The following NFAT5 variants were observed in gnomAD, a reference collection of about 807,000 sequenced individuals.
NFAT5 encodes nuclear factor of activated T-cells 5.
A neutral mutation model predicts 166.5 loss-of-function variants in NFAT5; 31 were observed. That is an observed-to-expected ratio of 0.19 (90% CI 0.14 to 0.25). The LOEUF (loss-of-function observed/expected upper bound fraction) is 0.25, where lower values mean the gene tolerates loss of function less well. NFAT5 is among the 10% of genes least tolerant of loss of function. The pLI is 1.00. For synonymous variants in NFAT5, 612 were observed against 639.7 expected (o/e 0.96, Z 0.65); for missense variants, 1,449 against 1,821.8 (o/e 0.80, Z 3.72).
Position 69,697,809 on chromosome 16 carries a change from A to G in NFAT5, c.*1458A>G, listed in dbSNP as rs529846785. 1 of 152,758 alleles carries G rather than the reference A, an allele frequency of 6.5e-6. No individual in the cohort carries two copies. The highest frequency in any genetic ancestry group is 1.5e-5 in the Non-Finnish European group (1 of 68,028). 9.5% of individuals were successfully genotyped at this position (152,758 alleles called of 1,614,324 possible). On this transcript the variant is annotated 3_prime_UTR_variant, in exon 15 of 15. Transcript: ENST00000349945. The stretch of plus-strand genomic sequence containing the variant: ...CCTTTTGGCATGTGGAAAGCTGTCA[A>G]TGCAGTGTAAGGCCAACGTGTGTGT...
intron 2 of NFAT5, among the ~76,000 whole-genome samples, chr16:69,589,736 T>C (rs1423818436): frequency 6.9e-6 from 1 of 145,696 alleles, no homozygotes; most frequent in Non-Finnish European, 1.5e-5. Context: ...AAATCCTCAT[T>C]TTTTTGCTAA....
chr16:69,673,875 A>G (rs1350758253), intron 9 of NFAT5, among the ~76,000 whole-genome samples: 1 of 152,234 alleles, frequency 6.6e-6, no homozygotes, highest in Non-Finnish European at 1.5e-5. Context: ...CACAAATTGC[A>G]GTTGTGAAAG....
intron 3 of NFAT5, among the ~76,000 whole-genome samples, chr16:69,641,909 G>A (rs193160955): frequency 1.7e-4 from 26 of 152,030 alleles, no homozygotes; most frequent in Admixed American, 1.2e-3. Context: ...ACCAGCCTGG[G>A]CAACATGGTG....
chr16:69,677,519 A>G (rs777154325), intron 10 of NFAT5, among the ~76,000 whole-genome samples, 184 bp downstream of exon 10: 2 of 152,208 alleles, frequency 1.3e-5, no homozygotes, highest in Admixed American at 6.5e-5. Context: ...TTACTCTTAT[A>G]TTAAGGAATC....
At chr16:69,591,943 A>T (rs1358200436) in intron 2 of NFAT5, among the ~76,000 whole-genome samples, 2 of 152,108 alleles carry the variant, frequency 1.3e-5, no homozygotes, top group East Asian at 3.9e-4. Context: ...TTAAAAAAAA[A>T]TTACAAAAAG....
At chr16:69,608,440 A>G (rs1277055528) in intron 2 of NFAT5, among the ~76,000 whole-genome samples, 1 of 151,552 alleles carries the variant, frequency 6.6e-6, no homozygotes, top group Non-Finnish European at 1.5e-5. Context: ...TAGCTCTACC[A>G]CTTCAACTTA....
At chr16:69,585,517 T>C (rs182623532) in intron 2 of NFAT5, among the ~76,000 whole-genome samples, 1 of 152,236 alleles carries the variant, frequency 6.6e-6, no homozygotes, top group Admixed American at 6.5e-5. Flanking sequence ...CAGATACTAA[T>C]GCACTAATGT....
chr16:69,669,876 T>C, intron 7 of NFAT5, 101 bp from the exon 8 acceptor site: 2 of 1,013,146 alleles, frequency 2.0e-6, no homozygotes, highest in Non-Finnish European at 2.8e-6. Flanking sequence ...TACTCCTCCT[T>C]CAATAAAGAC....
chr16:69,698,240 T>G lies in NFAT5; in HGVS notation c.*1889T>G, dbSNP rs1209274336. The G allele has an allele frequency of 1.3e-5, 2 of 152,522 alleles. No homozygotes were observed. 9.4% of individuals were successfully genotyped at this position (152,522 alleles called of 1,614,324 possible). ...AGACCTACTCTGGGTCATTTAATTT[T>G]GAATACAGTTTTCAATCGTTCAAGT... On this transcript the variant is annotated 3_prime_UTR_variant, in exon 15 of 15. Coordinates refer to ENST00000349945, the MANE Select transcript of NFAT5 (RefSeq NM_138713.4).
chr16:69,661,084 T>TC (rs2036110877), intron 7 of NFAT5, among the ~76,000 whole-genome samples: 1 of 133,966 alleles, frequency 7.5e-6, no homozygotes, highest in Non-Finnish European at 1.5e-5. Flanking sequence ...CCACCACCCT[T>TC]TTTTTTTTTT....
At chr16:69,687,332 T>C (rs973598302) in intron 11 of NFAT5, among the ~76,000 whole-genome samples, 12 of 151,070 alleles carry the variant, frequency 7.9e-5, no homozygotes, top group African/African-American at 2.7e-4. Context: ...TCCTAGCTAG[T>C]TGGGAGGCTG....
At chr16:69,644,485 A>G (rs1024889921) in intron 3 of NFAT5, among the ~76,000 whole-genome samples, 21 of 152,276 alleles carry the variant, frequency 1.4e-4, no homozygotes, top group African/African-American at 4.8e-4. Flanking sequence ...CCCAGGATCA[A>G]TCCTGCAGTT....
chr16:69,657,570 CCAAGA>C (rs2035936267), intron 6 of NFAT5, among the ~76,000 whole-genome samples: 1 of 148,358 alleles, frequency 6.7e-6, no homozygotes, highest in African/African-American at 2.5e-5. Flanking sequence ...ACCAGCCTGG[CCAAGA>C]TGGAGAAACC....
chr16:69,631,878 G>C (rs1304801051), intron 3 of NFAT5, among the ~76,000 whole-genome samples: 2 of 152,148 alleles, frequency 1.3e-5, no homozygotes, highest in African/African-American at 2.4e-5. Flanking sequence ...ATCTCCACTT[G>C]TTGGACCACT....
chr16:69,579,509 G>C (rs1481986831), intron 2 of NFAT5, among the ~76,000 whole-genome samples: 1 of 151,942 alleles, frequency 6.6e-6, no homozygotes, highest in African/African-American at 2.4e-5. Flanking sequence ...ATGTCATTAA[G>C]TTAACTAAAT....
At position 69,695,218 on chromosome 16, in the gene NFAT5, C is replaced by G; in HGVS notation, c.4497C>G (p.Asn1499Lys). The part of the protein sequence containing the change: ...MAISQPGQPQ[N>K]EGQPPVTTLL... ...TAAGTCAGCCAGGCCAACCACAAAA[C>G]GAGGGCCAGCCACCTGTGACAACAC... The change falls in exon 14 of 15, where the codon AAC (asparagine) becomes AAG (lysine). Residue 1499 changes from asparagine to lysine, a missense_variant. By Grantham distance (94) the Asn-to-Lys change is moderately conservative (BLOSUM62 0). Coordinates refer to ENST00000349945, the MANE Select transcript of NFAT5 (RefSeq NM_138713.4). The G allele has an allele frequency of 6.2e-7, 1 of 1,614,156 alleles. No homozygotes were observed. The highest frequency in any genetic ancestry group is 8.5e-7 in the Non-Finnish European group (1 of 1,180,026).
chr16:69,682,750 G>A (rs1438057251), intron 10 of NFAT5, among the ~76,000 whole-genome samples: 2 of 151,946 alleles, frequency 1.3e-5, no homozygotes, highest in East Asian at 3.9e-4. Context: ...ATAAATATGT[G>A]TGTTTTTTTT....
At chr16:69,657,454 CTT>C (rs199798898) in intron 6 of NFAT5, among the ~76,000 whole-genome samples, 6,518 of 144,298 alleles carry the variant, frequency 0.045, 185 homozygotes, top group Non-Finnish European at 0.06. Flanking sequence ...TAACTTGTAA[CTT>C]TTGAAAATTA....
At chr16:69,580,456 A>G (rs1003307226) in intron 2 of NFAT5, among the ~76,000 whole-genome samples, 3 of 151,488 alleles carry the variant, frequency 2.0e-5, no homozygotes, top group Non-Finnish European at 2.9e-5. Context: ...GCTTGAACCC[A>G]GGAGGTGGAG....
Sources: allele counts gnomAD v4.1 joint callset (sites outside exome capture counted in the v4.1 genomes callset), GRCh38; gene constraint gnomAD v4.1.1; transcripts MANE v1.5; gene names NCBI Gene and HGNC (gene_info 2026-07-23, HGNC 2026-07-21).